ERC1: variants seen among roughly 807,000 people sequenced by gnomAD.
ERC1 encodes RAB6 interacting protein 2.
ERC1 carries 56 observed loss-of-function variants against 132.0 expected under a neutral mutation model. The ratio of observed to expected loss-of-function variants is 0.42; its 90% CI spans 0.34 to 0.53. ERC1 has a LOEUF of 0.53. Among genes scored for constraint, ERC1 ranks in the 20% least tolerant of loss-of-function variants. The pLI is 0.03. For missense variants in ERC1, 1,202 were observed against 1,349.9 expected, an observed-to-expected ratio of 0.89 and a Z score of 1.72; for synonymous variants, 478 against 476.1, an observed-to-expected ratio of 1.00 and a Z score of -0.05.
At chr12:1,053,436 G>A (rs1972392165) in intron 2 of ERC1, among the ~76,000 whole-genome samples, 1 of 152,190 alleles carries the variant, frequency 6.6e-6, no homozygotes, top group East Asian at 1.9e-4. Flanking sequence ...CTCATGAAGA[G>A]TGTATGTATT....
At chr12:1,338,126 C>T (rs565901585) in intron 15 of ERC1, among the ~76,000 whole-genome samples, 13 of 152,264 alleles carry the variant, frequency 8.5e-5, no homozygotes, top group African/African-American at 2.4e-4. Flanking sequence ...TCCTGAAATA[C>T]GTTTTCAGTT....
At chr12:1,459,869 C>G (rs934869529) in intron 18 of ERC1, among the ~76,000 whole-genome samples, 44 of 152,190 alleles carry the variant, frequency 2.9e-4, no homozygotes, top group African/African-American at 8.2e-4. Flanking sequence ...AGGTGGTACT[C>G]TTGCCAAACA....
At position 1,028,941 on chromosome 12, in the gene ERC1, A is replaced by G. The variant is rs369385979; in HGVS notation, c.669+369A>G. On this transcript the variant is annotated intron_variant, in intron 2 of 18. Coordinates refer to ENST00000360905, the MANE Select transcript of ERC1 (RefSeq NM_178040.4). The stretch of plus-strand genomic sequence containing the variant: ...AAATGTATTTTAGAGTAGGTAACTT[A>G]AATGTAAGGTATACCATTAAGATTT... Among the ~76,000 whole-genome samples the G allele has an allele frequency of 1.5e-4, 22 of 151,472 alleles. No individual in the cohort carries two copies. The East Asian group carries it at 2.1e-3, about 15-fold the overall frequency.
At chr12:1,251,789 A>G (rs911605545) in intron 13 of ERC1, among the ~76,000 whole-genome samples, 1 of 152,192 alleles carries the variant, frequency 6.6e-6, no homozygotes, top group African/African-American at 2.4e-5. Flanking sequence ...TTATTGAAAG[A>G]CTTTATTGAT....
intron 13 of ERC1, among the ~76,000 whole-genome samples, chr12:1,255,693 C>T (rs1452589665): frequency 8.2e-6 from 1 of 122,352 alleles, no homozygotes; most frequent in Non-Finnish European, 1.6e-5. Context: ...AGTGCAGTGG[C>T]GTGATCTCGG....
chr12:1,276,638 G>A (rs772350397), intron 14 of ERC1, among the ~76,000 whole-genome samples: 18 of 151,806 alleles, frequency 1.2e-4, no homozygotes, highest in Non-Finnish European at 1.9e-4. Flanking sequence ...TTAAGAGACT[G>A]TCTCCATTTT....
chr12:1,359,108 T>C (rs1045927733), intron 15 of ERC1, among the ~76,000 whole-genome samples: 1 of 152,178 alleles, frequency 6.6e-6, no homozygotes, highest in African/African-American at 2.4e-5. Context: ...CTCAAAACTT[T>C]GACCAAGGTG....
At chr12:1,249,779 C>G (rs1036876351) in intron 13 of ERC1, among the ~76,000 whole-genome samples, 5 of 152,192 alleles carry the variant, frequency 3.3e-5, no homozygotes, top group African/African-American at 1.2e-4. Flanking sequence ...CCTGGAAAGT[C>G]CAAGATCAAG....
intron 8 of ERC1, among the ~76,000 whole-genome samples, chr12:1,154,354 TACACACACACACAC>T (rs35510985): frequency 6.9e-6 from 1 of 145,740 alleles, no homozygotes; most frequent in African/African-American, 2.6e-5. Flanking sequence ...TGTGTGTTTA[TACACACACACACAC>T]ACACACACAC....
intron 18 of ERC1, among the ~76,000 whole-genome samples, chr12:1,464,644 C>G (rs944933543): frequency 4.6e-5 from 7 of 151,510 alleles, no homozygotes; most frequent in Non-Finnish European, 1.0e-4. Context: ...CCTCACCCTC[C>G]CGAGTAGCTG....
chr12:1,196,859 A>ACTCTCTCTCTCT (rs1196181216), intron 12 of ERC1, among the ~76,000 whole-genome samples: 1 of 33,530 alleles, frequency 3.0e-5, no homozygotes, highest in Non-Finnish European at 7.2e-5. Context: ...TCTCTCTCTC[A>ACTCTCTCTCTCT]CTCTCTCTCT....
intron 15 of ERC1, among the ~76,000 whole-genome samples, chr12:1,305,321 G>A (rs1279562506): frequency 6.6e-6 from 1 of 152,160 alleles, no homozygotes; most frequent in Non-Finnish European, 1.5e-5. Context: ...CATAGCCTAA[G>A]AGTCTTTGTT....
At chr12:1,064,995 CTT>C (rs886113201) in intron 2 of ERC1, among the ~76,000 whole-genome samples, 5 of 150,956 alleles carry the variant, frequency 3.3e-5, no homozygotes, top group African/African-American at 1.2e-4. Flanking sequence ...TGAGTTTTTT[CTT>C]TTTTTTTCTT....
chr12:1,081,506 G>GTTTTTCTTGGTTT (rs1390943638), intron 2 of ERC1, among the ~76,000 whole-genome samples: 2 of 152,014 alleles, frequency 1.3e-5, no homozygotes, highest in African/African-American at 4.8e-5. Flanking sequence ...TTTTTTCTTG[G>GTTTTTCTTGGTTT]TTCTAGTTTT....
rs1387138995 is a variant in ERC1, at chr12:1,494,636, G to C, written c.*4406G>C. ...TTGTAGGTACTTCTCCTGACTCTTGGGGGAGAAGTGGTTTTAGGGATTGAT... is the reference window on the plus strand; with the variant it reads ...TTGTAGGTACTTCTCCTGACTCTTGCGGGAGAAGTGGTTTTAGGGATTGAT... On this transcript the variant is annotated 3_prime_UTR_variant, in exon 19 of 19. Transcript: ENST00000360905. 1.7e-5 allele frequency: 4 copies of C among 230,880 alleles called. No individual in the cohort carries two copies. The highest frequency in any genetic ancestry group is 2.6e-5 in the Non-Finnish European group (3 of 116,714). The allele number at this position is 230,880 out of a possible 1,614,324, so 14.3% of individuals were successfully genotyped here. A position where few individuals can be genotyped will look rare whatever the true frequency, so the allele number is the denominator to read the frequency against.
chr12:1,290,760 G>A (rs968652988), intron 15 of ERC1, among the ~76,000 whole-genome samples: 2 of 53,074 alleles, frequency 3.8e-5, no homozygotes, highest in Non-Finnish European at 7.8e-5. Flanking sequence ...GGATCCCTCA[G>A]TTACCCTCAG....
intron 13 of ERC1, chr12:1,257,061 A>G (rs1362664812): frequency 1.3e-5 from 2 of 150,850 alleles, no homozygotes; most frequent in Non-Finnish European, 2.9e-5. Context: ...ACAAGAAGGC[A>G]GAAGTGATGG....
intron 18 of ERC1, among the ~76,000 whole-genome samples, chr12:1,488,531 T>C (rs1409753238): frequency 6.6e-6 from 1 of 152,056 alleles, no homozygotes; most frequent in Non-Finnish European, 1.5e-5. Flanking sequence ...TCCAAAAAAT[T>C]AAAATTTAAA....
chr12:1,218,502 A>C (rs149188141), intron 12 of ERC1, among the ~76,000 whole-genome samples: 123 of 152,220 alleles, frequency 8.1e-4, no homozygotes, highest in African/African-American at 2.4e-3. Flanking sequence ...TGTAGTTGCT[A>C]TCTGCCTTTC....
Sources: gnomAD v4.1 joint callset for allele counts (sites outside exome capture counted in the v4.1 genomes callset) on GRCh38, gnomAD v4.1.1 for gene constraint, MANE v1.5 for transcripts, NCBI Gene and HGNC (gene_info 2026-07-23, HGNC 2026-07-21) for gene names.